ASIC2: variants seen among roughly 807,000 people sequenced by gnomAD.
ASIC2 encodes the protein acid-sensing ion channel 2.
A neutral mutation model predicts 57.3 loss-of-function variants in ASIC2; 25 were observed. The ratio of observed to expected loss-of-function variants is 0.44; its 90% CI spans 0.32 to 0.61. The LOEUF (loss-of-function observed/expected upper bound fraction) is 0.61. Ranked by LOEUF, ASIC2 falls within the 20% of genes least tolerant of loss-of-function variation. The pLI, the probability that ASIC2 is intolerant of heterozygous loss-of-function variation, is 0.06. For missense variants in ASIC2, 641 were observed against 738.1 expected, an observed-to-expected ratio of 0.87 and a Z score of 1.52; for synonymous variants, 319 against 307.5, an observed-to-expected ratio of 1.04 and a Z score of -0.39.
intron 1 of ASIC2, among the ~76,000 whole-genome samples, chr17:33,402,187 G>A (rs1183473431): frequency 6.6e-6 from 1 of 152,054 alleles, no homozygotes; most frequent in Non-Finnish European, 1.5e-5. Flanking sequence ...TGCATGGAGG[G>A]CTCCATGCAC....
chr17:34,077,988 T>C (rs1161068951), intron 1 of ASIC2, among the ~76,000 whole-genome samples: 1 of 152,164 alleles, frequency 6.6e-6, no homozygotes, highest in Admixed American at 6.5e-5. Flanking sequence ...CCAGCTCTAC[T>C]CTCTGATGAC....
At chr17:33,947,120 C>A (rs1360634170) in intron 1 of ASIC2, among the ~76,000 whole-genome samples, 1 of 150,890 alleles carries the variant, frequency 6.6e-6, no homozygotes, top group Non-Finnish European at 1.5e-5. Context: ...ATTCACAGTT[C>A]CGTCTGCCCT....
rs200382907 is a variant in ASIC2 at position 33,144,161 on chromosome 17, A to C, written c.709-32094T>G. On this transcript the variant is annotated intron_variant, in intron 1 of 9. Coordinates refer to ENST00000225823, the MANE Select transcript of ASIC2 (RefSeq NM_183377.2). The stretch of plus-strand genomic sequence containing the variant: ...TGGAATTAAAAAACAAACAAACAAA[A>C]AAAAAAACGAAAAACAAAAACAAAA... 8.2e-3 allele frequency among the ~76,000 whole-genome samples: 764 copies of C among 93,310 alleles called. 3 individuals carry two copies. The highest frequency in any genetic ancestry group is 0.075 in the East Asian group (193 of 2,574). The allele number at this position is 93,310 out of a possible 152,430, so 61.2% of individuals were successfully genotyped here.
intron 1 of ASIC2, among the ~76,000 whole-genome samples, chr17:33,550,209 T>G (rs575520052): frequency 9.9e-5 from 15 of 152,284 alleles, no homozygotes; most frequent in South Asian, 8.3e-4. Context: ...GTGAATATAT[T>G]GTAGAAATAG....
At chr17:33,445,615 T>C (rs1911985005) in intron 1 of ASIC2, among the ~76,000 whole-genome samples, 1 of 151,780 alleles carries the variant, frequency 6.6e-6, no homozygotes, top group African/African-American at 2.4e-5. Context: ...CTGACCAACA[T>C]GGAGAAACCC....
chr17:33,360,599 A>G (rs1274885845), intron 1 of ASIC2, among the ~76,000 whole-genome samples: 1 of 152,216 alleles, frequency 6.6e-6, no homozygotes, highest in Non-Finnish European at 1.5e-5. Context: ...TTCAAAGCAC[A>G]AGTCAGTTAC....
At chr17:33,878,910 T>G (rs2932917) in intron 1 of ASIC2, among the ~76,000 whole-genome samples, 1 of 151,996 alleles carries the variant, frequency 6.6e-6, no homozygotes, top group Non-Finnish European at 1.5e-5. Context: ...GCTGATCTCT[T>G]GGCAGAAACT....
chr17:33,935,456 T>C (rs993110061), intron 1 of ASIC2: 1 of 152,230 alleles, frequency 6.6e-6, no homozygotes, highest in Admixed American at 6.5e-5. Context: ...TAAACAATGC[T>C]ATTATTTATT....
At position 33,773,827 on chromosome 17, in the gene ASIC2, A is replaced by G. The variant is rs1202291297; in HGVS notation, c.555+382151T>C. Among the ~76,000 whole-genome samples, 5 of 151,240 alleles carry G rather than the reference A, an allele frequency of 3.3e-5. No homozygotes were observed. The East Asian group carries it at 9.8e-4, about 29-fold the overall frequency. The stretch of plus-strand genomic sequence containing the variant: ...ATGCTAGCATGCCTGGCTAATTTAA[A>G]TTTTATTATTATTTTTTTTTGTAGA... On this transcript the variant is annotated intron_variant, in intron 1 of 9. Transcript: ENST00000359872.
At chr17:33,771,380 T>A (rs1911104738) in intron 1 of ASIC2, among the ~76,000 whole-genome samples, 1 of 152,188 alleles carries the variant, frequency 6.6e-6, no homozygotes, top group Non-Finnish European at 1.5e-5. Flanking sequence ...CTGCCCTGCA[T>A]TCCATGTGTG....
At chr17:33,674,556 G>A (rs184003920) in intron 1 of ASIC2, among the ~76,000 whole-genome samples, 36 of 152,302 alleles carry the variant, frequency 2.4e-4, no homozygotes, top group Admixed American at 2.2e-3. Flanking sequence ...TTATGTGTGT[G>A]TCATTTAAGT....
chr17:34,028,384 A>C (rs551067283), intron 1 of ASIC2, among the ~76,000 whole-genome samples: 1 of 152,264 alleles, frequency 6.6e-6, no homozygotes, highest in South Asian at 2.1e-4. Flanking sequence ...CTTTTAGACA[A>C]ACACTTTGAG....
chr17:33,328,567 A>G (rs923052859), intron 1 of ASIC2, among the ~76,000 whole-genome samples: 1 of 152,088 alleles, frequency 6.6e-6, no homozygotes, highest in Non-Finnish European at 1.5e-5. Context: ...CGTTTCTGTG[A>G]TAGAGACACA....
intron 1 of ASIC2, chr17:33,935,721 G>C (rs1224619472): frequency 6.6e-6 from 1 of 152,204 alleles, no homozygotes; most frequent in African/African-American, 2.4e-5. Context: ...GTAAACAGCA[G>C]AGACGAGATT....
chr17:33,493,704 GC>G (rs1279279406), intron 1 of ASIC2, among the ~76,000 whole-genome samples: 4 of 152,144 alleles, frequency 2.6e-5, no homozygotes, highest in Non-Finnish European at 5.9e-5. Flanking sequence ...GTCTGCCCTT[GC>G]CTTGCTGGGA....
At chr17:33,398,274 C>T (rs747353001) in intron 1 of ASIC2, among the ~76,000 whole-genome samples, 20 of 152,094 alleles carry the variant, frequency 1.3e-4, no homozygotes, top group South Asian at 6.2e-4. Context: ...GAATGGGCCC[C>T]GGAATATAGC....
intron 1 of ASIC2, among the ~76,000 whole-genome samples, chr17:33,318,623 G>A (rs924541102): frequency 1.3e-5 from 2 of 152,158 alleles, no homozygotes; most frequent in Non-Finnish European, 1.5e-5. Context: ...AAATATAGCA[G>A]GATGACTTGC....
At chr17:33,344,612 C>T (rs1907872192) in intron 1 of ASIC2, among the ~76,000 whole-genome samples, 1 of 152,116 alleles carries the variant, frequency 6.6e-6, no homozygotes, top group African/African-American at 2.4e-5. Context: ...CCCTGTCTTG[C>T]AGGGTGGGAA....
chr17:33,390,113 G>C (rs1043290624), intron 1 of ASIC2, among the ~76,000 whole-genome samples: 2 of 152,084 alleles, frequency 1.3e-5, no homozygotes, highest in Non-Finnish European at 2.9e-5. Flanking sequence ...AGGAGTTTGA[G>C]ACTGGCCTGG....
Sources: allele counts gnomAD v4.1 joint callset (sites outside exome capture counted in the v4.1 genomes callset), GRCh38; gene constraint gnomAD v4.1.1; transcripts MANE v1.5; gene names NCBI Gene and HGNC (gene_info 2026-07-23, HGNC 2026-07-21).